The following STAG1 variants were observed in gnomAD, a reference collection of about 807,000 sequenced individuals.
STAG1 encodes cohesin subunit SA-1.
In STAG1, 26 loss-of-function variants were observed where a neutral mutation model predicts 170.9. That is an observed-to-expected ratio of 0.15 (90% CI 0.11 to 0.21). The LOEUF (loss-of-function observed/expected upper bound fraction) is 0.21. Ranked by LOEUF, STAG1 falls within the 10% of genes least tolerant of loss-of-function variation. The pLI is 1.00. For missense variants in STAG1, 964 were observed against 1,509.5 expected (o/e 0.64, Z 5.99); for synonymous variants, 514 against 497.7 (o/e 1.03, Z -0.44).
chr3:136,696,611 A>C (rs533416383), intron 1 of STAG1, among the ~76,000 whole-genome samples: 3 of 152,130 alleles, frequency 2.0e-5, no homozygotes, highest in Non-Finnish European at 4.4e-5. Context: ...GAGGTTGTGC[A>C]TATTGGGGGA....
At chr3:136,690,981 G>A (rs1942702514) in intron 1 of STAG1, among the ~76,000 whole-genome samples, 2 of 151,404 alleles carry the variant, frequency 1.3e-5, no homozygotes, top group South Asian at 2.1e-4. Context: ...AGTCAGACAT[G>A]CATTTTCTTT....
chr3:136,734,124 C>CAAAACAAAACA (rs1221479416), intron 1 of STAG1, among the ~76,000 whole-genome samples: 9 of 143,044 alleles, frequency 6.3e-5, no homozygotes, highest in African/African-American at 2.3e-4. Flanking sequence ...AAAAAAAAAA[C>CAAAACAAAACA]AAAACAAAAC....
chr3:136,370,229 G>A (rs978189875), intron 23 of STAG1, among the ~76,000 whole-genome samples: 1 of 152,024 alleles, frequency 6.6e-6, no homozygotes, highest in Non-Finnish European at 1.5e-5. Context: ...CATAGGATAC[G>A]ACAGCTCCAT....
intron 5 of STAG1, among the ~76,000 whole-genome samples, chr3:136,563,237 C>T (rs375988526): frequency 6.6e-6 from 1 of 152,236 alleles, no homozygotes; most frequent in South Asian, 2.1e-4. Flanking sequence ...AACTTCTCCC[C>T]GACCCCACTA....
chr3:136,357,624 G>T, intron 28 of STAG1, 96 bp downstream of exon 28: 2 of 923,298 alleles, frequency 2.2e-6, no homozygotes. Context: ...AAATTATCAA[G>T]AGTAAAGATA....
intron 1 of STAG1, among the ~76,000 whole-genome samples, chr3:136,724,087 C>T (rs1445008767): frequency 6.6e-6 from 1 of 151,992 alleles, no homozygotes; most frequent in African/African-American, 2.4e-5. Context: ...CGGCCACCAC[C>T]CCGTCTGGGA....
At chr3:136,501,347 T>G (rs1158826504) in intron 8 of STAG1, among the ~76,000 whole-genome samples, 2 of 152,208 alleles carry the variant, frequency 1.3e-5, no homozygotes, top group African/African-American at 4.8e-5. Flanking sequence ...CCCTAGTACC[T>G]CAGAATGTGA....
At chr3:136,608,798 A>C (rs1471036338) in intron 3 of STAG1, among the ~76,000 whole-genome samples, 1 of 66,942 alleles carries the variant, frequency 1.5e-5, no homozygotes, top group Non-Finnish European at 3.8e-5. Context: ...ACCCTATCTC[A>C]AAAAAAAAAA....
At chr3:136,359,907 T>C (rs1429862141) in intron 26 of STAG1, among the ~76,000 whole-genome samples, 1 of 152,224 alleles carries the variant, frequency 6.6e-6, no homozygotes, top group Non-Finnish European at 1.5e-5. Context: ...TTTACAGGAA[T>C]GACAATATAT....
intron 1 of STAG1, among the ~76,000 whole-genome samples, chr3:136,692,731 T>C (rs1942768499): frequency 6.6e-6 from 1 of 152,232 alleles, no homozygotes; most frequent in Non-Finnish European, 1.5e-5. Context: ...ATGAAGTTTT[T>C]TTTAATTGGG....
chr3:136,422,003 C>A (rs1455496222), intron 19 of STAG1, among the ~76,000 whole-genome samples: 2 of 151,726 alleles, frequency 1.3e-5, no homozygotes, highest in African/African-American at 4.8e-5. Flanking sequence ...AAAAAACAGC[C>A]AAGCGTGGTG....
chr3:136,349,083 C>G, intron 29 of STAG1, 75 bp downstream of exon 29: 3 of 1,150,612 alleles, frequency 2.6e-6, no homozygotes, highest in Non-Finnish European at 3.9e-6. Context: ...TATTATCTTG[C>G]TTCAAAAGAT....
At chr3:136,744,813 C>A (rs975403566) in intron 1 of STAG1, among the ~76,000 whole-genome samples, 1 of 151,780 alleles carries the variant, frequency 6.6e-6, no homozygotes, top group East Asian at 1.9e-4. Context: ...GCAGCTGGGA[C>A]TACAGGCACA....
At chr3:136,748,099 TA>T (rs1334646408) in intron 1 of STAG1, among the ~76,000 whole-genome samples, 2 of 144,726 alleles carry the variant, frequency 1.4e-5, no homozygotes, top group South Asian at 2.5e-4. Context: ...TTTTAAAAAA[TA>T]AAAATAACTG....
intron 7 of STAG1, among the ~76,000 whole-genome samples, chr3:136,511,253 C>G (rs942316918): frequency 1.3e-5 from 2 of 152,150 alleles, no homozygotes; most frequent in African/African-American, 4.8e-5. Context: ...TATGAATTAC[C>G]CAGTCTAGGA....
chr3:136,344,486 A>T (rs1360553077), intron 29 of STAG1, among the ~76,000 whole-genome samples: 6 of 152,048 alleles, frequency 3.9e-5, no homozygotes, highest in Non-Finnish European at 8.8e-5. Context: ...ACAACTAGAC[A>T]CTGGTCAGTA....
chr3:136,621,292 G>C (rs944843615), intron 3 of STAG1, among the ~76,000 whole-genome samples: 1 of 152,208 alleles, frequency 6.6e-6, no homozygotes, highest in African/African-American at 2.4e-5. Context: ...TCTGAATCCT[G>C]TAAGTGAAGA....
intron 1 of STAG1, among the ~76,000 whole-genome samples, chr3:136,746,237 A>G (rs1440167509): frequency 2.0e-5 from 3 of 152,178 alleles, no homozygotes; most frequent in Non-Finnish European, 4.4e-5. Flanking sequence ...CTAAAGATTT[A>G]TATTTTTATT....
chr3:136,406,754 A>G (rs183598323), intron 21 of STAG1, among the ~76,000 whole-genome samples: 36 of 152,306 alleles, frequency 2.4e-4, no homozygotes, highest in Admixed American at 1.8e-3. Flanking sequence ...ATGCTATATC[A>G]TAAGTTAAAA....
Sources: allele counts gnomAD v4.1 joint callset (sites outside exome capture counted in the v4.1 genomes callset), GRCh38; gene constraint gnomAD v4.1.1; transcripts MANE v1.5; gene names NCBI Gene and HGNC (gene_info 2026-07-23, HGNC 2026-07-21).